The following H2BC10 variants were observed in gnomAD, a reference collection of about 807,000 sequenced individuals.
H2BC10 encodes the protein histone H2B type 1-C/E/F/G/I.
H2BC10 carries 6 observed loss-of-function variants against 6.4 expected under a neutral mutation model. The ratio of observed to expected loss-of-function variants is 0.93; its 90% CI spans 0.51 to 1.84. The LOEUF is 1.84. H2BC10 is among the 40% of genes most tolerant of loss of function. H2BC10 has a pLI of 0.01. For missense variants in H2BC10, 191 were observed against 168.7 expected, an observed-to-expected ratio of 1.13 and a Z score of -0.73; for synonymous variants, 120 against 72.8, an observed-to-expected ratio of 1.65 and a Z score of -3.30.
At position 26,273,388 on chromosome 6, in the gene H2BC10, C is replaced by G. The variant is rs1285374055; in HGVS notation, c.*32C>G. Reference sequence around the variant, plus strand: ...TACCTGGGTAAAAGCGCTAACGACCCAAAGGCTCTTCTAAGAGCCACCCAT... The same window carrying G: ...TACCTGGGTAAAAGCGCTAACGACCGAAAGGCTCTTCTAAGAGCCACCCAT... On this transcript the variant is annotated 3_prime_UTR_variant, in exon 1 of 1. Transcript: ENST00000377733. The G allele has an allele frequency of 2.5e-6, 4 of 1,601,054 alleles. No homozygotes were observed. The highest frequency in any genetic ancestry group is 2.2e-5 in the South Asian group (2 of 89,422).
rs762486317 is a variant in H2BC10, at chr6:26,273,019, C to G, written c.44C>G (p.Ser15Cys). The change falls in exon 1 of 1, where the codon TCC (serine) becomes TGC (cysteine). Residue 15 changes from serine (S) to cysteine (C), a missense_variant. Transcript: ENST00000377733. ...AKSAPAPKKG[S>C]KKAVTKAQKK... ...TCAGCTCCCGCCCCGAAGAAGGGCT[C>G]CAAGAAGGCGGTGACCAAGGCACAG... 5 of 1,614,170 alleles carry G rather than the reference C, an allele frequency of 3.1e-6. No homozygotes were observed. The South Asian group carries it at 3.3e-5, about 11-fold the overall frequency.
Sources: allele counts gnomAD v4.1 joint callset, GRCh38; gene constraint gnomAD v4.1.1; transcripts MANE v1.5; gene names NCBI Gene and HGNC (gene_info 2026-07-23, HGNC 2026-07-21).